The following ANXA8 variants were observed in gnomAD, a reference collection of about 807,000 sequenced individuals.
ANXA8 encodes the protein VAC-beta.
Under a neutral mutation model 26.8 loss-of-function variants are expected in ANXA8, and 9 were observed. That is an observed-to-expected ratio of 0.34 (90% CI 0.20 to 0.59). ANXA8 has a LOEUF of 0.59. ANXA8 is among the 20% of genes least tolerant of loss of function. The pLI, the probability that ANXA8 is intolerant of heterozygous loss-of-function variation, is 0.84. For synonymous variants in ANXA8, 39 were observed against 94.8 expected (o/e 0.41, Z 3.42); for missense variants, 83 against 238.5 (o/e 0.35, Z 4.29).
At chr10:47,507,850 T>C in the ANXA8 span, among the ~76,000 whole-genome samples, 15 of 105,626 alleles carry the variant, frequency 1.4e-4, no homozygotes, top group Middle Eastern at 4.5e-3. Flanking sequence ...CCCTTTTATA[T>C]GCTTTTCTAC....
chr10:47,495,921 A>G, the ANXA8 span, among the ~76,000 whole-genome samples: 127 of 151,428 alleles, frequency 8.4e-4, no homozygotes, highest in South Asian at 1.9e-3. Context: ...AGCTGGAGAA[A>G]TGAAGAAGGA....
chr10:47,506,421 C>T, the ANXA8 span, among the ~76,000 whole-genome samples: 1 of 138,690 alleles, frequency 7.2e-6, no homozygotes, highest in African/African-American at 2.7e-5. Context: ...ACCTCCACCT[C>T]CCAGGCTCAA....
chr10:47,521,057 GTT>G, the ANXA8 span, among the ~76,000 whole-genome samples: 3 of 114,730 alleles, frequency 2.6e-5, no homozygotes, highest in Non-Finnish European at 5.1e-5. Context: ...CAGAACCTTA[GTT>G]CTCTTGAGTA....
chr10:47,476,908 GGGTGCAGTCTGA>G (rs1839569295), intron 4 of ANXA8, among the ~76,000 whole-genome samples, 161 bp downstream of exon 4: 1 of 130,464 alleles, frequency 7.7e-6, no homozygotes, highest in African/African-American at 2.8e-5. Context: ...TCCAGGTGTT[GGGTGCAGTCTGA>G]GCAGCAGGCT....
At chr10:47,767,721 A>C in the ANXA8 span, among the ~76,000 whole-genome samples, 1 of 151,676 alleles carries the variant, frequency 6.6e-6, no homozygotes, top group Non-Finnish European at 1.5e-5. Flanking sequence ...TGCCCCCGTG[A>C]GAGGCTAATC....
At chr10:47,683,055 G>C in the ANXA8 span, among the ~76,000 whole-genome samples, 1 of 152,052 alleles carries the variant, frequency 6.6e-6, no homozygotes, top group African/African-American at 2.4e-5. Context: ...CTGCTCACAG[G>C]TTGGCTTTAG....
the ANXA8 span, among the ~76,000 whole-genome samples, chr10:47,684,363 CTT>C: frequency 6.7e-6 from 1 of 148,776 alleles, no homozygotes; most frequent in African/African-American, 2.5e-5. Flanking sequence ...GATATAAACA[CTT>C]TTTAAAAATT....
the ANXA8 span, among the ~76,000 whole-genome samples, chr10:47,736,353 A>G: frequency 1.5e-5 from 1 of 67,450 alleles, no homozygotes; most frequent in Non-Finnish European, 2.9e-5. Flanking sequence ...CATAAATGGG[A>G]CCATTCCATA....
chr10:47,724,852 T>G, the ANXA8 span, among the ~76,000 whole-genome samples: 2 of 138,012 alleles, frequency 1.4e-5, 1 homozygote, highest in East Asian at 5.7e-4. Context: ...CCCATGCCCC[T>G]CAACCCATGG....
chr10:47,519,099 G>T, the ANXA8 span, among the ~76,000 whole-genome samples: 3 of 137,260 alleles, frequency 2.2e-5, 1 homozygote, highest in Non-Finnish European at 4.6e-5. Context: ...TTTGGGTAAT[G>T]GCAGTGGATT....
the ANXA8 span, among the ~76,000 whole-genome samples, chr10:47,652,099 T>A: frequency 6.6e-6 from 1 of 151,584 alleles, no homozygotes. Flanking sequence ...AGGAAATCCA[T>A]AGAGATAGAA....
the ANXA8 span, among the ~76,000 whole-genome samples, chr10:47,772,336 G>A: frequency 3.9e-5 from 6 of 152,206 alleles, no homozygotes; most frequent in Non-Finnish European, 8.8e-5. Flanking sequence ...TCAAAGGCAG[G>A]AAAAGAAGGA....
the ANXA8 span, among the ~76,000 whole-genome samples, chr10:47,721,045 G>A: frequency 7.1e-6 from 1 of 140,502 alleles, no homozygotes; most frequent in South Asian, 2.2e-4. Context: ...TACTTGGGAG[G>A]CTGAGGCAGG....
At chr10:47,942,053 G>T in the ANXA8 span, among the ~76,000 whole-genome samples, 2 of 147,624 alleles carry the variant, frequency 1.4e-5, no homozygotes, top group South Asian at 2.1e-4. Flanking sequence ...TTGCTAAGCC[G>T]CAGAGTAAGC....
At chr10:47,686,436 T>C in the ANXA8 span, among the ~76,000 whole-genome samples, 1 of 151,774 alleles carries the variant, frequency 6.6e-6, no homozygotes, top group Non-Finnish European at 1.5e-5. Flanking sequence ...AGGCTTGAAC[T>C]CCTGACCTCA....
the ANXA8 span, among the ~76,000 whole-genome samples, chr10:47,915,090 C>T: frequency 6.6e-6 from 1 of 151,988 alleles, no homozygotes; most frequent in African/African-American, 2.4e-5. Flanking sequence ...CGGGAGCTAG[C>T]TATATGTGAG....
the ANXA8 span, among the ~76,000 whole-genome samples, chr10:47,497,083 T>A: frequency 1.1e-3 from 158 of 149,690 alleles, 2 homozygotes; most frequent in African/African-American, 3.5e-3. Flanking sequence ...CACTTTGGGA[T>A]GCCGATGTGG....
the ANXA8 span, among the ~76,000 whole-genome samples, chr10:47,667,068 C>T: frequency 8.5e-5 from 13 of 152,134 alleles, no homozygotes; most frequent in East Asian, 1.3e-3. Flanking sequence ...TTCCAGAGCA[C>T]AGTGCTCCAA....
chr10:47,549,237 C>A, the ANXA8 span: 7 of 1,352,526 alleles, frequency 5.2e-6, no homozygotes, highest in East Asian at 4.6e-5. Context: ...CCCTTCATCA[C>A]GGGGTAAATA....
Sources: gnomAD v4.1 joint callset for allele counts (sites outside exome capture counted in the v4.1 genomes callset) on GRCh38, gnomAD v4.1.1 for gene constraint, MANE v1.5 for transcripts, NCBI Gene and HGNC (gene_info 2026-07-23, HGNC 2026-07-21) for gene names.